IL1RAPL1: variants seen among roughly 807,000 people sequenced by gnomAD.
IL1RAPL1 encodes the protein interleukin-1 receptor accessory protein-like 1.
A neutral mutation model predicts 48.4 loss-of-function variants in IL1RAPL1; 3 were observed. The ratio of observed to expected loss-of-function variants is 0.06; its 90% CI spans 0.03 to 0.16. The LOEUF (loss-of-function observed/expected upper bound fraction) is 0.16, where lower values mean the gene tolerates loss of function less well. IL1RAPL1 is among the 10% of genes least tolerant of loss of function. The pLI is 1.00. For synonymous variants in IL1RAPL1, 185 were observed against 187.7 expected, an observed-to-expected ratio of 0.99 and a Z score of 0.12; for missense variants, 349 against 530.6, an observed-to-expected ratio of 0.66 and a Z score of 3.36.
At position 29,668,473 on chromosome X, in the gene IL1RAPL1, A is replaced by G. The variant is rs371486445; in HGVS notation, c.747A>G (p.Glu249=). 3 of 1,207,111 alleles carry G rather than the reference A, an allele frequency of 2.5e-6. No homozygotes were observed. The African/African-American group carries it at 5.2e-5, about 21-fold the overall frequency. ...CACCCAAGCTTTTGTATCCTATGGA[A>G]AGTAAACTGACAATTCAGGAGACCC... The part of the protein sequence containing the change: ...DKPPKLLYPM[E]SKLTIQETQL... The change falls in exon 6 of 11, where the codon GAA becomes GAG. Residue 249 remains glutamate, a synonymous_variant. Coordinates refer to ENST00000378993, the MANE Select transcript of IL1RAPL1 (RefSeq NM_014271.4).
chrX:28,874,740 T>A (rs1922323963), intron 2 of IL1RAPL1, among the ~76,000 whole-genome samples: 1 of 112,527 alleles, frequency 8.9e-6, no homozygotes, highest in African/African-American at 3.2e-5. Flanking sequence ...TCATTTAGAT[T>A]TAAGATGTTC....
chrX:28,838,297 C>A (rs1921278558), intron 2 of IL1RAPL1, among the ~76,000 whole-genome samples: 1 of 111,036 alleles, frequency 9.0e-6, no homozygotes, highest in Non-Finnish European at 1.9e-5. Flanking sequence ...ACAGTAAGTA[C>A]TAAAAATTAG....
rs186609542 is a variant in IL1RAPL1, at chrX:29,081,951, C to A, written c.83-200987C>A. The stretch of plus-strand genomic sequence containing the variant: ...AGATCTATTGTGAATATCCAAAGTG[C>A]AGACTGCCTGTTCATAACAAATTCT... On this transcript the variant is annotated intron_variant, in intron 2 of 10. Transcript: ENST00000378993. 4.2e-3 allele frequency among the ~76,000 whole-genome samples: 468 copies of A among 110,655 alleles called. 5 individuals are homozygous for A. Among genetic ancestry groups the A allele is most frequent in the African/African-American group, 0.015 (457 of 30,473 alleles).
intron 1 of IL1RAPL1, among the ~76,000 whole-genome samples, chrX:28,717,948 T>A (rs915997325): frequency 7.2e-5 from 8 of 111,723 alleles, no homozygotes; most frequent in Non-Finnish European, 1.3e-4. Context: ...TCTCTGAAAA[T>A]GTTAGTAACC....
chrX:29,760,298 C>T (rs1330750166), intron 6 of IL1RAPL1, among the ~76,000 whole-genome samples: 1 of 111,133 alleles, frequency 9.0e-6, no homozygotes, highest in African/African-American at 3.3e-5. Context: ...TCTCAAAATA[C>T]AGCCTAACAT....
intron 6 of IL1RAPL1, among the ~76,000 whole-genome samples, chrX:29,874,085 G>A (rs947592433): frequency 3.6e-5 from 4 of 111,754 alleles, no homozygotes; most frequent in African/African-American, 1.3e-4. Flanking sequence ...TTGGGTTCTT[G>A]GCCCTCATAT....
chrX:28,629,279 A>G (rs1244859693), intron 1 of IL1RAPL1, among the ~76,000 whole-genome samples: 1 of 111,776 alleles, frequency 8.9e-6, no homozygotes, highest in Non-Finnish European at 1.9e-5. Context: ...TAGTATAGAA[A>G]TATAAAGTTT....
At chrX:28,690,311 A>G (rs760349717) in intron 1 of IL1RAPL1, among the ~76,000 whole-genome samples, 1 of 111,701 alleles carries the variant, frequency 9.0e-6, no homozygotes, top group Admixed American at 9.6e-5. Flanking sequence ...ACCAACTCCT[A>G]GGTGGCTTTC....
At chrX:29,405,439 T>C (rs1275587079) in intron 5 of IL1RAPL1, among the ~76,000 whole-genome samples, 1 of 97,512 alleles carries the variant, frequency 1.0e-5, no homozygotes, top group Admixed American at 1.0e-4. Context: ...GGATCTCGGC[T>C]CACTGCAAGC....
intron 2 of IL1RAPL1, among the ~76,000 whole-genome samples, chrX:28,948,060 G>C (rs1415788580): frequency 1.8e-5 from 2 of 111,040 alleles, no homozygotes; most frequent in African/African-American, 3.3e-5. Flanking sequence ...TAATCAGCTT[G>C]TAGTTAACTG....
At chrX:29,377,743 G>A (rs907749985) in intron 3 of IL1RAPL1, among the ~76,000 whole-genome samples, 4 of 111,824 alleles carry the variant, frequency 3.6e-5, no homozygotes, top group African/African-American at 9.8e-5. Flanking sequence ...TCCTAATGGA[G>A]TTCCCTCTGT....
chrX:28,640,447 G>A (rs1479651758), intron 1 of IL1RAPL1, among the ~76,000 whole-genome samples: 1 of 110,188 alleles, frequency 9.1e-6, no homozygotes, highest in East Asian at 2.9e-4. Flanking sequence ...CCAGGTTCAT[G>A]CGATCTTCCT....
chrX:28,821,700 TG>T (rs1233447986), intron 2 of IL1RAPL1, among the ~76,000 whole-genome samples: 1 of 110,982 alleles, frequency 9.0e-6, no homozygotes, highest in Non-Finnish European at 1.9e-5. Context: ...TCAGCCCTAG[TG>T]TAAGGTGAGT....
intron 1 of IL1RAPL1, among the ~76,000 whole-genome samples, chrX:28,646,198 G>C (rs770468802): frequency 2.1e-4 from 23 of 111,840 alleles, no homozygotes; most frequent in Non-Finnish European, 3.9e-4. Context: ...TTGGATTCTC[G>C]TAAGGAGGAT....
chrX:29,784,934 T>A (rs1351600607), intron 6 of IL1RAPL1, among the ~76,000 whole-genome samples: 1 of 112,097 alleles, frequency 8.9e-6, no homozygotes, highest in Non-Finnish European at 1.9e-5. Flanking sequence ...ATAAAATTAG[T>A]TCAATACTAA....
chrX:29,068,614 C>A (rs1174978829), intron 2 of IL1RAPL1, among the ~76,000 whole-genome samples: 1 of 112,238 alleles, frequency 8.9e-6, no homozygotes, highest in Non-Finnish European at 1.9e-5. Context: ...GCACAGGGAA[C>A]AGCAGATACA....
chrX:29,884,657 C>G (rs750363928), intron 6 of IL1RAPL1, among the ~76,000 whole-genome samples: 23 of 111,351 alleles, frequency 2.1e-4, no homozygotes, highest in South Asian at 3.8e-4. Flanking sequence ...GCATACCTAA[C>G]TGTCTATCCG....
In IL1RAPL1 at chrX:29,146,129, A is replaced by G. The variant is rs193012814; in HGVS notation, c.83-136809A>G. On this transcript the variant is annotated intron_variant, in intron 2 of 10. Transcript: ENST00000378993. ...AAATTACAAGGGTCCGTAAGGCCCC[A>G]GAAAGACTTGACCTGGCCTGACCTC... Among the ~76,000 whole-genome samples, 306 of 111,998 alleles carry G rather than the reference A, an allele frequency of 2.7e-3. 1 individual carries two copies. Among genetic ancestry groups the G allele is most frequent in the Middle Eastern group, 9.2e-3 (2 of 217 alleles).
chrX:29,237,651 T>C (rs1266432448), intron 2 of IL1RAPL1, among the ~76,000 whole-genome samples: 4 of 112,803 alleles, frequency 3.5e-5, no homozygotes, highest in African/African-American at 1.3e-4. Context: ...TAGTAACGTG[T>C]CTTTACAGAC....
Sources: allele counts gnomAD v4.1 joint callset (sites outside exome capture counted in the v4.1 genomes callset), GRCh38; gene constraint gnomAD v4.1.1; transcripts MANE v1.5; gene names NCBI Gene and HGNC (gene_info 2026-07-23, HGNC 2026-07-21).